The following LZTR1 variants were observed in gnomAD, a reference collection of about 807,000 sequenced individuals.
LZTR1 encodes the protein leucine-zipper-like transcriptional regulator 1.
LZTR1 carries 260 observed loss-of-function variants against 105.7 expected under a neutral mutation model. The observed-to-expected ratio is 2.46, with a 90% CI of 2.22 to 2.72. LZTR1 has a LOEUF of 2.72. Ranked by LOEUF, LZTR1 falls within the 30% of genes most tolerant of loss-of-function variation. The probability of loss-of-function intolerance (pLI) is 0.00; values close to 1 mark genes in which losing one functional copy is unlikely to be tolerated. For missense variants in LZTR1, 1,214 were observed against 1,166.9 expected (o/e 1.04, Z -0.59); for synonymous variants, 490 against 476.4 (o/e 1.03, Z -0.37).
chr22:20,987,466 A>AC (rs1217043388), intron 3 of LZTR1, 38 bp from the exon 4 acceptor site: 1 of 1,218,552 alleles, frequency 8.2e-7, no homozygotes, highest in Non-Finnish European at 1.2e-6. Context: ...CTCATGGGTG[A>AC]CCCCCGCTGA....
At chr22:20,987,308 C>T (rs1392241120) in intron 3 of LZTR1, 196 bp from the exon 4 acceptor site, 32 of 548,432 alleles carry the variant, frequency 5.8e-5, no homozygotes, top group East Asian at 3.3e-4. Flanking sequence ...GCAGGACAAT[C>T]GCTTGAACCC....
At position 20,992,898 on chromosome 22, in the gene LZTR1, G is replaced by C. The variant is rs746064505; in HGVS notation, c.1254G>C (p.Arg418Ser). Residue 418 changes from arginine to serine, a missense_variant, in exon 11 of 21, where the codon AGG becomes AGC. Physicochemically the swap from Arg to Ser is moderately radical, Grantham distance 110. Transcript: ENST00000646124. The part of the protein sequence containing the change: ...DNNIRSGEMY[R>S]FQFSCYPKCT... ...ACATCCGCAGCGGGGAGATGTACAG[G>C]TTCCAGGTGTGGGGCCTGTGGGCCT... 2.5e-6 allele frequency: 4 copies of C among 1,594,808 alleles called. No individual in the cohort carries two copies. In the Admixed American group the frequency reaches 5.1e-5, roughly 20 times the overall value.
chr22:20,989,665 C>G lies in LZTR1; in HGVS notation c.634C>G (p.Leu212Val), dbSNP rs776963332. 1.9e-6 allele frequency: 3 copies of G among 1,612,224 alleles called. No homozygotes were observed. The African/African-American group carries it at 4.0e-5, about 22-fold the overall frequency. ...MWTIGLQDRE[L>V]TCWEEVAQSG... ...GACAATTGGCCTCCAGGACCGAGAG[C>G]TCACCTGCTGGGAGGAGGTGAGGGG... The change falls in exon 7 of 21, where the codon CTC (leucine) becomes GTC (valine). Residue 212 changes from leucine (L) to valine (V), a missense_variant. Transcript: ENST00000646124.
At chr22:20,988,675 G>C (rs753311260) in intron 5 of LZTR1, 114 bp from the exon 6 acceptor site, 1 of 731,846 alleles carries the variant, frequency 1.4e-6, no homozygotes, top group Admixed American at 1.9e-5. Context: ...CCCCAGTGTC[G>C]GGTGGATGTA....
chr22:20,988,762 T>A, intron 5 of LZTR1, 27 bp from the exon 6 acceptor site: 2 of 1,589,482 alleles, frequency 1.3e-6, no homozygotes, highest in Non-Finnish European at 1.7e-6. Flanking sequence ...GCGGCCTCAC[T>A]CCCTCCCCTC....
intron 19 of LZTR1, 31 bp from the exon 20 acceptor site, chr22:20,996,855 G>A: frequency 6.2e-7 from 1 of 1,611,900 alleles, no homozygotes; most frequent in South Asian, 1.1e-5. Context: ...TGGGTGAAAG[G>A]GGCAGCGCCT....
intron 6 of LZTR1, 39 bp from the exon 7 acceptor site, chr22:20,989,586 C>T (rs1455451547): frequency 1.3e-6 from 2 of 1,572,756 alleles, no homozygotes; most frequent in African/African-American, 2.7e-5. Flanking sequence ...ACCCTGACCA[C>T]CAGACCCAAG....
intron 17 of LZTR1, 22 bp downstream of exon 17, chr22:20,995,894 G>A: frequency 2.5e-6 from 4 of 1,612,906 alleles, no homozygotes; most frequent in Non-Finnish European, 2.5e-6. Flanking sequence ...CTGGACAGGA[G>A]GGGAGGGTGG....
intron 18 of LZTR1, 52 bp from the exon 19 acceptor site, chr22:20,996,644 G>T: frequency 6.7e-7 from 1 of 1,499,654 alleles, no homozygotes; most frequent in South Asian, 1.1e-5. Flanking sequence ...CCTTCCCTGG[G>T]AGGGTGCGGG....
At chr22:20,989,760 A>G (rs58017818) in intron 7 of LZTR1, 78 bp downstream of exon 7, 2 of 782,120 alleles carry the variant, frequency 2.6e-6, no homozygotes, top group Middle Eastern at 3.1e-4. Flanking sequence ...GGAGGAGGTG[A>G]GGGGCATGGG....
Position 20,995,947 on chromosome 22 carries a change from C to A in LZTR1, c.2070-16C>A. On this transcript the variant is annotated splice_polypyrimidine_tract_variant and intron_variant, in intron 17 of 20. Coordinates refer to ENST00000646124, the MANE Select transcript of LZTR1 (RefSeq NM_006767.4). ...GTTCTGCTGACGGCCAGGTGCCTAC[C>A]GCTCGTTGTCTGCAGCTACTTTGAA... 1.9e-6 allele frequency: 3 copies of A among 1,613,536 alleles called. No homozygotes were observed. The highest frequency in any genetic ancestry group is 2.2e-5 in the East Asian group (1 of 44,860).
chr22:20,985,776 C>G, intron 2 of LZTR1, 65 bp from the exon 3 acceptor site: 1 of 1,483,628 alleles, frequency 6.7e-7, no homozygotes, highest in Non-Finnish European at 9.4e-7. Context: ...CATGCAGTGC[C>G]CATCTCTGGG....
At chr22:20,994,804 G>A (rs1011826646) in intron 15 of LZTR1, 66 bp from the exon 16 acceptor site, 4 of 1,609,068 alleles carry the variant, frequency 2.5e-6, no homozygotes, top group African/African-American at 2.7e-5. Context: ...CCACCACTGT[G>A]AGCCCCTCGC....
chr22:20,993,454 C>A (rs776270335), intron 11 of LZTR1: 13 of 594,686 alleles, frequency 2.2e-5, no homozygotes, highest in Non-Finnish European at 3.9e-5. Context: ...TGGAGCCGGC[C>A]GTGGACAGTT....
In LZTR1 at chr22:20,992,740, G is replaced by A. The variant is rs5761738; in HGVS notation, c.1150-54G>A. On this transcript the variant is annotated intron_variant, in intron 10 of 20. Coordinates refer to ENST00000646124, the MANE Select transcript of LZTR1 (RefSeq NM_006767.4). ...CTTGCCTTACCTGGCTGCACCAGCCGCACTGTGGAGGCTCTGCTCCCCCAC... is the reference window on the plus strand; with the variant it reads ...CTTGCCTTACCTGGCTGCACCAGCCACACTGTGGAGGCTCTGCTCCCCCAC... 0.017 allele frequency: 20,044 copies of A among 1,178,640 alleles called. 1,223 individuals are homozygous for A. In the East Asian group the frequency reaches 0.18, roughly 11 times the overall value. The allele number at this position is 1,178,640 out of a possible 1,614,324, so 73.0% of individuals were successfully genotyped here.
rs890051054 is a variant in LZTR1, at chr22:20,995,796, G to T, written c.1993G>T (p.Glu665Ter). Reference sequence around the variant, plus strand: ...GGCATACCTGGAGGGAGCGGGCGCGGAATTCTGTGACATCACTCTGTTGCT... The same window carrying T: ...GGCATACCTGGAGGGAGCGGGCGCGTAATTCTGTGACATCACTCTGTTGCT... ...MKAYLEGAGAEFCDITLLLDG... is the reference protein window; with the variant it reads ...MKAYLEGAGA The change falls in exon 17 of 21, where the codon GAA becomes TAA. Residue 665 changes from glutamate (E) to a stop codon, truncating the protein, a stop_gained. Coordinates refer to ENST00000646124, the MANE Select transcript of LZTR1 (RefSeq NM_006767.4). LOFTEE classifies it high-confidence loss of function. 6.2e-7 allele frequency: 1 copy of T among 1,613,526 alleles called. No homozygotes were observed.
At position 20,997,365 on chromosome 22, in the gene LZTR1, C is replaced by T. The variant is rs764974329; in HGVS notation, c.*17C>T. ...GACATCTGAGGCCCTGTGGCGCCTG[C>T]CCATTGTGAAGAATCGCCGTGCCTG... On this transcript the variant is annotated 3_prime_UTR_variant, in exon 21 of 21. Transcript: ENST00000646124. 1 of 1,573,676 alleles carries T rather than the reference C, an allele frequency of 6.4e-7. No individual in the cohort carries two copies. The highest frequency in any genetic ancestry group is 1.1e-5 in the South Asian group (1 of 90,326).
intron 18 of LZTR1, 188 bp downstream of exon 18, chr22:20,996,300 G>T: frequency 1.5e-6 from 1 of 653,326 alleles, no homozygotes; most frequent in East Asian, 2.7e-5. Context: ...TGGCAAGGAG[G>T]GGTTTGCAGC....
intron 18 of LZTR1, 83 bp downstream of exon 18, chr22:20,996,195 C>T (rs1875022477): frequency 1.4e-6 from 2 of 1,466,110 alleles, no homozygotes; most frequent in Non-Finnish European, 9.3e-7. Flanking sequence ...GCCCGCTCTC[C>T]TGCCCCAGCT....
Sources: gnomAD v4.1 joint callset for allele counts on GRCh38, gnomAD v4.1.1 for gene constraint, MANE v1.5 for transcripts, NCBI Gene and HGNC (gene_info 2026-07-23, HGNC 2026-07-21) for gene names.